PRKCA: variants seen among roughly 807,000 people sequenced by gnomAD.
PRKCA encodes the protein protein kinase C alpha, also known as protein kinase C alpha type.
Under a neutral mutation model 87.0 loss-of-function variants are expected in PRKCA, and 27 were observed. The observed-to-expected ratio is 0.31, with a 90% CI of 0.23 to 0.43. The LOEUF is 0.43. Ranked by LOEUF, PRKCA falls within the 20% of genes least tolerant of loss-of-function variation. PRKCA has a pLI of 1.00. For missense variants in PRKCA, 518 were observed against 852.3 expected, an observed-to-expected ratio of 0.61 and a Z score of 4.88; for synonymous variants, 329 against 311.1, an observed-to-expected ratio of 1.06 and a Z score of -0.61.
intron 3 of PRKCA, among the ~76,000 whole-genome samples, chr17:66,562,066 AT>A (rs1968701249): frequency 8.9e-6 from 1 of 112,354 alleles, no homozygotes; most frequent in Non-Finnish European, 2.0e-5. Context: ...TTAAATATAT[AT>A]AATTAAATTA....
intron 5 of PRKCA, among the ~76,000 whole-genome samples, chr17:66,661,944 AGAC>A (rs1971917360): frequency 6.6e-6 from 1 of 152,212 alleles, no homozygotes; most frequent in African/African-American, 2.4e-5. Context: ...CTGCCTTGGC[AGAC>A]CCTCACCCCT....
At position 66,771,701 on chromosome 17, in the gene PRKCA, T is replaced by C. The variant is rs1202176020; in HGVS notation, c.1525-2286T>C. 2.0e-5 allele frequency among the ~76,000 whole-genome samples: 3 copies of C among 152,016 alleles called. No homozygotes were observed. In the East Asian group the frequency reaches 5.8e-4, roughly 29 times the overall value. Reference sequence around the variant, plus strand: ...ACCTCCACCTCCCGGGTTCAAGCGATTCTCCTACCTCAGCCTCCCAAGTAG... The same window carrying C: ...ACCTCCACCTCCCGGGTTCAAGCGACTCTCCTACCTCAGCCTCCCAAGTAG... On this transcript the variant is annotated intron_variant, in intron 13 of 16. Transcript: ENST00000413366.
At chr17:66,432,552 G>A (rs1913154141) in intron 2 of PRKCA, among the ~76,000 whole-genome samples, 1 of 152,152 alleles carries the variant, frequency 6.6e-6, no homozygotes, top group Non-Finnish European at 1.5e-5. Flanking sequence ...CATTAAATAT[G>A]TGAGAAAACT....
intron 8 of PRKCA, among the ~76,000 whole-genome samples, chr17:66,726,899 T>A (rs1367637324): frequency 1.3e-5 from 2 of 152,050 alleles, no homozygotes; most frequent in Non-Finnish European, 2.9e-5. Flanking sequence ...AATTTTTGTA[T>A]TTTTTGGTAG....
rs1213693045 is a variant in PRKCA at position 66,787,173 on chromosome 17, C to A, written c.1713+199C>A. 3 of 759,890 alleles carry A rather than the reference C, an allele frequency of 3.9e-6. No homozygotes were observed. The East Asian group carries it at 7.6e-5, about 19-fold the overall frequency. 47.1% of individuals were successfully genotyped at this position (759,890 alleles called of 1,614,324 possible). A position where few individuals can be genotyped will look rare whatever the true frequency, so the allele number is the denominator to read the frequency against. On this transcript the variant is annotated intron_variant, in intron 15 of 16. Transcript: ENST00000413366. ...TTGGACAGCATGGATTAGTCTTGGC[C>A]TGTTTTGAACTCTGCACAAACCGAA...
intron 2 of PRKCA, among the ~76,000 whole-genome samples, chr17:66,375,716 CA>C (rs1431238800): frequency 2.0e-5 from 3 of 152,014 alleles, no homozygotes; most frequent in African/African-American, 7.2e-5. Flanking sequence ...AGGTCATCTA[CA>C]AAGGAAATGT....
At chr17:66,589,748 C>T (rs1252648455) in intron 3 of PRKCA, among the ~76,000 whole-genome samples, 1 of 152,190 alleles carries the variant, frequency 6.6e-6, no homozygotes, top group African/African-American at 2.4e-5. Flanking sequence ...AAGATGATCT[C>T]ACTCCCTTGT....
chr17:66,497,833 T>C (rs1210637531), intron 3 of PRKCA, among the ~76,000 whole-genome samples: 1 of 152,222 alleles, frequency 6.6e-6, no homozygotes, highest in Non-Finnish European at 1.5e-5. Context: ...GGGATTCCGA[T>C]TTGCGTTGTT....
intron 3 of PRKCA, among the ~76,000 whole-genome samples, chr17:66,524,742 G>T (rs1967287382): frequency 6.6e-6 from 1 of 152,144 alleles, no homozygotes; most frequent in African/African-American, 2.4e-5. Context: ...CATTGGCCTG[G>T]AAGGTACGCT....
At chr17:66,375,905 A>G (rs1490257096) in intron 2 of PRKCA, among the ~76,000 whole-genome samples, 1 of 152,132 alleles carries the variant, frequency 6.6e-6, no homozygotes, top group Non-Finnish European at 1.5e-5. Flanking sequence ...GGATATTGCT[A>G]CCTGCTTGCT....
intron 2 of PRKCA, among the ~76,000 whole-genome samples, chr17:66,454,083 G>A (rs1914467188): frequency 6.6e-6 from 1 of 152,208 alleles, no homozygotes; most frequent in Non-Finnish European, 1.5e-5. Flanking sequence ...TTCATGTTGT[G>A]ATTTTAGCAG....
At chr17:66,305,191 C>T (rs117262864) in intron 1 of PRKCA, among the ~76,000 whole-genome samples, 4 of 152,274 alleles carry the variant, frequency 2.6e-5, no homozygotes, top group Non-Finnish European at 5.9e-5. Context: ...ATTGCTTCTA[C>T]GGGGTCCTTG....
At chr17:66,543,172 A>G (rs1246805131) in intron 3 of PRKCA, among the ~76,000 whole-genome samples, 2 of 152,202 alleles carry the variant, frequency 1.3e-5, no homozygotes, top group African/African-American at 2.4e-5. Context: ...TTTCTTCCGT[A>G]TGACGACAGT....
At chr17:66,439,531 C>G (rs1913607266) in intron 2 of PRKCA, among the ~76,000 whole-genome samples, 1 of 152,192 alleles carries the variant, frequency 6.6e-6, no homozygotes, top group Non-Finnish European at 1.5e-5. Context: ...ACCATTTCCA[C>G]AAATGGCATA....
chr17:66,523,408 C>T (rs779621466), intron 3 of PRKCA, among the ~76,000 whole-genome samples: 4 of 152,154 alleles, frequency 2.6e-5, no homozygotes, highest in Non-Finnish European at 5.9e-5. Flanking sequence ...TGACCTTGAG[C>T]AGGGCATTTA....
intron 5 of PRKCA, among the ~76,000 whole-genome samples, chr17:66,658,242 G>T (rs1158104557): frequency 1.3e-5 from 2 of 152,158 alleles, no homozygotes; most frequent in Non-Finnish European, 2.9e-5. Context: ...CACTTTGGGA[G>T]GTCAAGGTGG....
At chr17:66,579,223 C>T (rs1046948757) in intron 3 of PRKCA, among the ~76,000 whole-genome samples, 4 of 152,122 alleles carry the variant, frequency 2.6e-5, no homozygotes, top group Non-Finnish European at 5.9e-5. Flanking sequence ...ACCATAATTA[C>T]GTAATTACCC....
chr17:66,699,400 T>C (rs959319987), intron 8 of PRKCA, among the ~76,000 whole-genome samples: 3 of 152,136 alleles, frequency 2.0e-5, no homozygotes, highest in Non-Finnish European at 4.4e-5. Flanking sequence ...CTCTGAACTG[T>C]TACACACCAA....
intron 5 of PRKCA, among the ~76,000 whole-genome samples, chr17:66,649,463 A>G (rs757838256): frequency 3.7e-4 from 56 of 152,262 alleles, no homozygotes; most frequent in Admixed American, 2.4e-3. Flanking sequence ...AATCCCATGA[A>G]GTAAATACTA....
Sources: allele counts gnomAD v4.1 joint callset (sites outside exome capture counted in the v4.1 genomes callset), GRCh38; gene constraint gnomAD v4.1.1; transcripts MANE v1.5; gene names NCBI Gene and HGNC (gene_info 2026-07-23, HGNC 2026-07-21).